Variants in CALN1 observed in about 807,000 individuals in gnomAD.
CALN1 encodes calcium-binding protein 8.
Under a neutral mutation model 30.6 loss-of-function variants are expected in CALN1, and 17 were observed. That is an observed-to-expected ratio of 0.56 (90% CI 0.38 to 0.83). CALN1 has a LOEUF of 0.83. Among genes scored for constraint, CALN1 ranks in the 40% least tolerant of loss-of-function variants. The pLI, the probability that CALN1 is intolerant of heterozygous loss-of-function variation, is 0.00. For synonymous variants in CALN1, 156 were observed against 131.4 expected, an observed-to-expected ratio of 1.19 and a Z score of -1.28; for missense variants, 291 against 354.9, an observed-to-expected ratio of 0.82 and a Z score of 1.45.
intron 5 of CALN1, among the ~76,000 whole-genome samples, chr7:71,910,200 G>T (rs1392764794): frequency 1.3e-5 from 2 of 152,206 alleles, no homozygotes; most frequent in African/African-American, 4.8e-5. Context: ...GGAAGACAGA[G>T]ATTCTATCAT....
intron 5 of CALN1, among the ~76,000 whole-genome samples, chr7:71,995,053 C>T (rs369249486): frequency 3.3e-5 from 5 of 152,204 alleles, no homozygotes; most frequent in African/African-American, 1.2e-4. Context: ...GGGGTTTCAC[C>T]GTGGTAGTCA....
rs1792823350 is a variant in CALN1 at position 71,783,441 on chromosome 7, A to G, written c.*4334T>C. ...GCCTTTGGAGAAATAGTGTGGCAAAATGACCCAATAGGGTTTGAGACCTGC... is the reference window on the plus strand; with the variant it reads ...GCCTTTGGAGAAATAGTGTGGCAAAGTGACCCAATAGGGTTTGAGACCTGC... On this transcript the variant is annotated 3_prime_UTR_variant, in exon 7 of 7. Transcript: ENST00000395275. 1 of 152,230 alleles carries G rather than the reference A, an allele frequency of 6.6e-6. No homozygotes were observed. Among genetic ancestry groups the G allele is most frequent in the African/African-American group, 2.4e-5 (1 of 41,452 alleles). 9.4% of individuals were successfully genotyped at this position (152,230 alleles called of 1,614,324 possible). A position where few individuals can be genotyped will look rare whatever the true frequency, so the allele number is the denominator to read the frequency against.
intron 1 of CALN1, among the ~76,000 whole-genome samples, chr7:72,422,377 T>C (rs966328522): frequency 2.0e-5 from 3 of 152,188 alleles, no homozygotes; most frequent in African/African-American, 4.8e-5. Flanking sequence ...TCCCCGGTGA[T>C]TAGTGATGTT....
intron 4 of CALN1, among the ~76,000 whole-genome samples, chr7:72,069,901 G>A (rs1804274606): frequency 6.6e-6 from 1 of 152,152 alleles, no homozygotes; most frequent in Admixed American, 6.6e-5. Flanking sequence ...TGCAAAAGCA[G>A]TCAGAAAAGG....
intron 3 of CALN1, among the ~76,000 whole-genome samples, chr7:72,226,234 A>C (rs1049472606): frequency 6.6e-6 from 1 of 152,042 alleles, no homozygotes; most frequent in African/African-American, 2.4e-5. Context: ...GACAAGAGTG[A>C]AAATCTGTCT....
At chr7:71,958,622 A>G (rs958480991) in intron 5 of CALN1, among the ~76,000 whole-genome samples, 2 of 152,178 alleles carry the variant, frequency 1.3e-5, no homozygotes, top group Non-Finnish European at 2.9e-5. Context: ...CAAATATATA[A>G]AAACAGCAAA....
chr7:71,966,911 C>G (rs1797557355), intron 5 of CALN1, among the ~76,000 whole-genome samples: 1 of 152,178 alleles, frequency 6.6e-6, no homozygotes, highest in South Asian at 2.1e-4. Context: ...TCTAGACACT[C>G]TAAAATTTAT....
chr7:72,378,275 G>A (rs1804683352), intron 2 of CALN1, among the ~76,000 whole-genome samples: 1 of 152,002 alleles, frequency 6.6e-6, no homozygotes, highest in Non-Finnish European at 1.5e-5. Flanking sequence ...TGGACATGTG[G>A]GCTATCATTT....
intron 4 of CALN1, among the ~76,000 whole-genome samples, chr7:72,083,328 A>C (rs1805275755): frequency 6.6e-6 from 1 of 152,222 alleles, no homozygotes; most frequent in Admixed American, 6.5e-5. Context: ...CAAAGATCTC[A>C]TGGTGAAATA....
chr7:72,198,786 G>T (rs1791216066), intron 3 of CALN1, among the ~76,000 whole-genome samples: 1 of 152,150 alleles, frequency 6.6e-6, no homozygotes, highest in South Asian at 2.1e-4. Flanking sequence ...AAGGCAGATG[G>T]GTGCCCTAGG....
At chr7:72,290,072 CCT>C (rs1169214024) in intron 2 of CALN1, among the ~76,000 whole-genome samples, 10 of 85,752 alleles carry the variant, frequency 1.2e-4, no homozygotes, top group Non-Finnish European at 1.8e-4. Flanking sequence ...AGAACGAGAC[CCT>C]GTCTTAAAAA....
At position 72,299,517 on chromosome 7, in the gene CALN1, C is replaced by T. The variant is rs902805898; in HGVS notation, c.120-20707G>A. On this transcript the variant is annotated intron_variant, in intron 2 of 6. Coordinates refer to ENST00000395275, the MANE Select transcript of CALN1 (RefSeq NM_031468.4). ...CTTGCCAGTATAAAAATACAAACTT[C>T]TAAACATTATAAACGATATAAATAA... Among the ~76,000 whole-genome samples, 8 of 151,702 alleles carry T rather than the reference C, an allele frequency of 5.3e-5. No homozygotes were observed. The East Asian group carries it at 1.4e-3, about 26-fold the overall frequency.
At chr7:72,221,442 C>T (rs1234204773) in intron 3 of CALN1, among the ~76,000 whole-genome samples, 1 of 151,524 alleles carries the variant, frequency 6.6e-6, no homozygotes, top group Non-Finnish European at 1.5e-5. Flanking sequence ...CTCAGCCTCC[C>T]GAGTAGTTGG....
chr7:72,371,716 A>C (rs1344341121), intron 2 of CALN1, among the ~76,000 whole-genome samples: 5 of 152,250 alleles, frequency 3.3e-5, no homozygotes, highest in Non-Finnish European at 7.3e-5. Context: ...CATGTATTCC[A>C]TATGGATAAC....
chr7:72,295,276 T>C (rs1428520172), intron 2 of CALN1, among the ~76,000 whole-genome samples: 5 of 152,204 alleles, frequency 3.3e-5, no homozygotes, highest in African/African-American at 9.6e-5. Flanking sequence ...TTTAAAGTAA[T>C]GAAAATGGAA....
At chr7:72,077,771 A>G (rs140230164) in intron 4 of CALN1, among the ~76,000 whole-genome samples, 37 of 152,344 alleles carry the variant, frequency 2.4e-4, no homozygotes, top group African/African-American at 8.9e-4. Context: ...GCATTTGATC[A>G]TCGTGCTCCC....
intron 3 of CALN1, among the ~76,000 whole-genome samples, chr7:72,167,620 C>T (rs1207245968): frequency 6.6e-6 from 1 of 152,238 alleles, no homozygotes; most frequent in Non-Finnish European, 1.5e-5. Flanking sequence ...GCTGGGATTA[C>T]AGGCATAAGC....
intron 3 of CALN1, among the ~76,000 whole-genome samples, chr7:72,131,811 C>G (rs1014873583): frequency 6.6e-6 from 1 of 152,150 alleles, no homozygotes; most frequent in Non-Finnish European, 1.5e-5. Context: ...GTTACGTTGC[C>G]TGGAACCACT....
intron 5 of CALN1, among the ~76,000 whole-genome samples, chr7:71,899,648 G>GA (rs1030866677): frequency 6.6e-6 from 1 of 151,686 alleles, no homozygotes; most frequent in African/African-American, 2.4e-5. Flanking sequence ...TTTGGAATTA[G>GA]AAAAAAAATC....
Sources: gnomAD v4.1 joint callset for allele counts (sites outside exome capture counted in the v4.1 genomes callset) on GRCh38, gnomAD v4.1.1 for gene constraint, MANE v1.5 for transcripts, NCBI Gene and HGNC (gene_info 2026-07-23, HGNC 2026-07-21) for gene names.